The following DMD variants were observed in gnomAD, a reference collection of about 807,000 sequenced individuals.
The protein encoded by DMD is mutant dystrophin.
A neutral mutation model predicts 330.1 loss-of-function variants in DMD; 63 were observed. The observed-to-expected ratio is 0.19, with a 90% CI of 0.16 to 0.24. The LOEUF (loss-of-function observed/expected upper bound fraction) is 0.24, where lower values mean the gene tolerates loss of function less well. Among genes scored for constraint, DMD ranks in the 10% least tolerant of loss-of-function variants. The pLI is 1.00. For synonymous variants in DMD, 1,223 were observed against 959.8 expected, an observed-to-expected ratio of 1.27 and a Z score of -5.07; for missense variants, 3,344 against 2,684.1, an observed-to-expected ratio of 1.25 and a Z score of -5.43.
At chrX:33,270,979 C>G (rs1479691597) in intron 1 of DMD, among the ~76,000 whole-genome samples, 1 of 111,240 alleles carries the variant, frequency 9.0e-6, no homozygotes, top group East Asian at 2.8e-4. Flanking sequence ...GTCATCCAAA[C>G]AAAGAACTAT....
chrX:31,433,968 G>T (rs1569541858), intron 60 of DMD, among the ~76,000 whole-genome samples: 2 of 111,765 alleles, frequency 1.8e-5, no homozygotes, highest in Non-Finnish European at 3.8e-5. Context: ...TTTATAGAAT[G>T]CTTACTATAT....
chrX:31,714,813 G>A (rs1021410705), intron 52 of DMD, among the ~76,000 whole-genome samples: 2 of 111,722 alleles, frequency 1.8e-5, no homozygotes, highest in Admixed American at 9.5e-5. Context: ...AAGGAACTCC[G>A]AAGTGCCCTA....
intron 41 of DMD, among the ~76,000 whole-genome samples, chrX:32,318,493 T>C (rs1204432565): frequency 9.0e-6 from 1 of 111,439 alleles, no homozygotes; most frequent in African/African-American, 3.3e-5. Flanking sequence ...GGTAGAAAGA[T>C]GTTGAATAAT....
intron 1 of DMD, among the ~76,000 whole-genome samples, chrX:33,153,574 A>G (rs1459511780): frequency 1.8e-5 from 2 of 112,949 alleles, no homozygotes; most frequent in Admixed American, 9.4e-5. Context: ...GGGATATATC[A>G]ATTATCTTAA....
chrX:32,940,309 A>G (rs2090318730), intron 2 of DMD, among the ~76,000 whole-genome samples: 1 of 112,228 alleles, frequency 8.9e-6, no homozygotes, highest in African/African-American at 3.2e-5. Context: ...ATGTGAAGAG[A>G]TGGATATGTT....
intron 7 of DMD, among the ~76,000 whole-genome samples, chrX:32,765,631 G>A (rs1348104608): frequency 2.7e-5 from 3 of 111,490 alleles, no homozygotes. Context: ...TATATGATTC[G>A]CAAACATCTT....
intron 12 of DMD, among the ~76,000 whole-genome samples, chrX:32,596,581 G>A (rs920713656): frequency 9.2e-6 from 1 of 109,070 alleles, no homozygotes; most frequent in African/African-American, 3.4e-5. Context: ...TTCTCACTGT[G>A]TCACCCAGGG....
chrX:31,216,761 C>T (rs746595010), intron 64 of DMD, among the ~76,000 whole-genome samples: 7 of 111,218 alleles, frequency 6.3e-5, no homozygotes, highest in Non-Finnish European at 1.3e-4. Flanking sequence ...TCACCCTTAG[C>T]GCACCATCAA....
At chrX:33,149,850 G>A (rs777197146) in intron 1 of DMD, among the ~76,000 whole-genome samples, 22 of 111,341 alleles carry the variant, frequency 2.0e-4, no homozygotes, top group African/African-American at 5.6e-4. Flanking sequence ...GTTGACCCAC[G>A]CTCAAATTTA....
chrX:31,918,948 CTTAA>C (rs1170646001), intron 47 of DMD, among the ~76,000 whole-genome samples: 1 of 112,114 alleles, frequency 8.9e-6, no homozygotes, highest in African/African-American at 3.2e-5. Context: ...CAACATCTTT[CTTAA>C]TTATTTTAGT....
chrX:32,867,056 T>C (rs2082571456), intron 2 of DMD, among the ~76,000 whole-genome samples: 1 of 111,369 alleles, frequency 9.0e-6, no homozygotes, highest in African/African-American at 3.3e-5. Context: ...TTTCTAAAGC[T>C]ACCTTTCGTA....
rs767993498 is a variant in DMD at position 32,312,942 on chromosome X, C to CAAAAAAAAAAA, written c.5923-2677_5923-2667dup. Among the ~76,000 whole-genome samples, 114 of 20,391 alleles carry CAAAAAAAAAAA rather than the reference C, an allele frequency of 5.6e-3. 22 individuals carry two copies. The highest frequency in any genetic ancestry group is 8.7e-3 in the Non-Finnish European group (90 of 10,338). The allele number at this position is 20,391 out of a possible 115,157, so 17.7% of individuals were successfully genotyped here. On this transcript the variant is annotated intron_variant, in intron 41 of 78. Transcript: ENST00000357033. Reference sequence around the variant, plus strand: ...ATTGAGGCAGTAATAGCCTACGAACCAAAAAAAAAAAAAAAAAAAAAAGCC... The same window carrying CAAAAAAAAAAA: ...ATTGAGGCAGTAATAGCCTACGAACCAAAAAAAAAAAAAAAAAAAAAAAAAAAAAAAAAGCC...
At chrX:31,336,543 A>G (rs1224392792) in intron 61 of DMD, among the ~76,000 whole-genome samples, 1 of 112,601 alleles carries the variant, frequency 8.9e-6, no homozygotes, top group Non-Finnish European at 1.9e-5. Context: ...CATTCCACTA[A>G]TTATCTGGCC....
intron 52 of DMD, among the ~76,000 whole-genome samples, chrX:31,692,220 C>T (rs2083171717): frequency 9.0e-6 from 1 of 111,248 alleles, no homozygotes; most frequent in African/African-American, 3.3e-5. Context: ...TTGAGACAAA[C>T]AGAAATGAAA....
Position 32,041,717 on chromosome X carries a change from T to G in DMD, c.6439-73203A>C, listed in dbSNP as rs1351737653. 4.5e-5 allele frequency among the ~76,000 whole-genome samples: 5 copies of G among 110,520 alleles called. No individual in the cohort carries two copies. In the East Asian group the frequency reaches 1.4e-3, roughly 32 times the overall value. ...AGCCCTCGTACATGCATCCACTACATTCATCATTGTCTCACTATTTATGTT... is the reference window on the plus strand; with the variant it reads ...AGCCCTCGTACATGCATCCACTACAGTCATCATTGTCTCACTATTTATGTT... On this transcript the variant is annotated intron_variant, in intron 44 of 78. Transcript: ENST00000357033.
chrX:32,358,085 G>A (rs748811128), intron 37 of DMD, among the ~76,000 whole-genome samples: 2 of 109,743 alleles, frequency 1.8e-5, no homozygotes, highest in East Asian at 5.8e-4. Flanking sequence ...CACTGTTATC[G>A]GAAAATAATA....
At chrX:31,758,555 A>C (rs1187415698) in intron 51 of DMD, among the ~76,000 whole-genome samples, 2 of 110,845 alleles carry the variant, frequency 1.8e-5, no homozygotes. Context: ...TCTCTTTTTA[A>C]ATTTGTACCA....
intron 3 of DMD, 100 bp downstream of exon 3, chrX:32,849,628 A>AC (rs1486825553): frequency 1.3e-5 from 8 of 629,272 alleles, no homozygotes; most frequent in Non-Finnish European, 2.1e-5. Flanking sequence ...TTCAATCAGT[A>AC]CCTAGTCATT....
Position 31,877,667 on chromosome X carries a change from TTGTGTGTGTG to T in DMD, c.6913-2304_6913-2295del, listed in dbSNP as rs10670657. 2.7e-4 allele frequency among the ~76,000 whole-genome samples: 28 copies of T among 102,359 alleles called. 1 individual carries two copies. In the South Asian group the frequency reaches 0.011, roughly 41 times the overall value. The allele number at this position is 102,359 out of a possible 115,157, so 88.9% of individuals were successfully genotyped here. A position where few individuals can be genotyped will look rare whatever the true frequency, so the allele number is the denominator to read the frequency against. Reference sequence around the variant, plus strand: ...TAACTACACCTGTGGTGCTGAACTCTTGTGTGTGTGTGTGTGTGTGTGTGTGTGCACGCAC... The same window carrying T: ...TAACTACACCTGTGGTGCTGAACTCTTGTGTGTGTGTGTGTGTGCACGCAC... On this transcript the variant is annotated intron_variant, in intron 47 of 78. Transcript: ENST00000357033.
Sources: gnomAD v4.1 joint callset for allele counts (sites outside exome capture counted in the v4.1 genomes callset) on GRCh38, gnomAD v4.1.1 for gene constraint, MANE v1.5 for transcripts, NCBI Gene and HGNC (gene_info 2026-07-23, HGNC 2026-07-21) for gene names.